The following MEI4 variants were observed in gnomAD, a reference collection of about 807,000 sequenced individuals.
MEI4 encodes the protein meiosis-specific protein MEI4.
Under a neutral mutation model 31.4 loss-of-function variants are expected in MEI4, and 27 were observed. That is an observed-to-expected ratio of 0.86 (90% CI 0.63 to 1.19). The LOEUF is 1.19. Ranked by LOEUF, MEI4 falls within the 50% of genes most tolerant of loss-of-function variation. MEI4 has a pLI of 0.00. For missense variants in MEI4, 329 were observed against 398.9 expected (o/e 0.82, Z 1.49); for synonymous variants, 122 against 145.4 (o/e 0.84, Z 1.16).
intron 4 of MEI4, among the ~76,000 whole-genome samples, chr6:77,880,221 G>T (rs545754133): frequency 2.4e-4 from 34 of 143,340 alleles, no homozygotes; most frequent in East Asian, 1.1e-3. Context: ...TTATTGTGGG[G>T]TTTTTTTTGT....
chr6:77,732,987 A>G (rs547947299), intron 2 of MEI4, among the ~76,000 whole-genome samples: 4 of 151,678 alleles, frequency 2.6e-5, no homozygotes, highest in East Asian at 2.0e-4. Context: ...CCACTTGATG[A>G]TGGTGGATAA....
intron 2 of MEI4, among the ~76,000 whole-genome samples, chr6:77,756,647 C>T (rs142838950): frequency 6.6e-6 from 1 of 151,338 alleles, no homozygotes; most frequent in Non-Finnish European, 1.5e-5. Flanking sequence ...CTCTTTCTCT[C>T]CCTCTTTGTA....
chr6:77,744,234 G>A (rs1384069618), intron 2 of MEI4, among the ~76,000 whole-genome samples: 1 of 152,020 alleles, frequency 6.6e-6, no homozygotes, highest in African/African-American at 2.4e-5. Context: ...AAATTTAGAC[G>A]AATGTATAAC....
At chr6:77,661,088 G>T (rs1768497255) in intron 1 of MEI4, among the ~76,000 whole-genome samples, 1 of 152,144 alleles carries the variant, frequency 6.6e-6, no homozygotes, top group Non-Finnish European at 1.5e-5. Flanking sequence ...AAGTTCAAAA[G>T]GACTGTACCC....
rs150813079 is a variant in MEI4, at chr6:77,923,000, G to A, written c.901-89G>A. On this transcript the variant is annotated intron_variant, in intron 4 of 4. Transcript: ENST00000684080. ...GTGTTAAATATTTCAAATATATTTC[G>A]TTTGCCTGAAACTCTGATATCTTTA... 378 of 728,662 alleles carry A rather than the reference G, an allele frequency of 5.2e-4. 2 individuals carry two copies. Among genetic ancestry groups the A allele is most frequent in the African/African-American group, 3.8e-3 (204 of 54,372 alleles). The allele number at this position is 728,662 out of a possible 1,614,324, so 45.1% of individuals were successfully genotyped here. A position where few individuals can be genotyped will look rare whatever the true frequency, so the allele number is the denominator to read the frequency against.
intron 3 of MEI4, among the ~76,000 whole-genome samples, chr6:77,794,330 G>A (rs537420548): frequency 1.3e-4 from 20 of 152,288 alleles, no homozygotes; most frequent in South Asian, 4.1e-4. Flanking sequence ...TTGGGAGGCC[G>A]AGGCGGGTGG....
intron 2 of MEI4, among the ~76,000 whole-genome samples, chr6:77,733,855 A>G (rs906859361): frequency 6.6e-6 from 1 of 152,044 alleles, no homozygotes; most frequent in African/African-American, 2.4e-5. Context: ...TTCAAAGAAC[A>G]TCTTTATTTC....
At chr6:77,883,717 GATATATATATAT>G (rs570185624) in intron 4 of MEI4, among the ~76,000 whole-genome samples, 1 of 43,338 alleles carries the variant, frequency 2.3e-5, no homozygotes, top group Non-Finnish European at 3.8e-5. Context: ...TATTATGTAA[GATATATATATAT>G]ATATATATAT....
chr6:77,883,567 C>T (rs946965515), intron 4 of MEI4, among the ~76,000 whole-genome samples: 3 of 151,540 alleles, frequency 2.0e-5, no homozygotes, highest in Admixed American at 1.3e-4. Context: ...CTCTGCCTGG[C>T]TTACTTCACA....
At chr6:77,921,370 G>A (rs1311998522) in intron 4 of MEI4, among the ~76,000 whole-genome samples, 1 of 151,748 alleles carries the variant, frequency 6.6e-6, no homozygotes, top group Non-Finnish European at 1.5e-5. Flanking sequence ...TGAAGAGTTA[G>A]GCCTTTTCTC....
At chr6:77,856,229 G>A (rs1490902230) in intron 4 of MEI4, among the ~76,000 whole-genome samples, 1 of 152,084 alleles carries the variant, frequency 6.6e-6, no homozygotes, top group Non-Finnish European at 1.5e-5. Context: ...CTCCCACAGT[G>A]TACACTTAAG....
intron 2 of MEI4, among the ~76,000 whole-genome samples, chr6:77,729,646 T>C (rs536179294): frequency 1.4e-4 from 22 of 152,294 alleles, no homozygotes; most frequent in African/African-American, 5.1e-4. Context: ...TACAGACTTC[T>C]TCAATTAATC....
rs151066344 is a variant in MEI4 at position 77,700,621 on chromosome 6, C to T, written c.232+9718C>T. Among the ~76,000 whole-genome samples the T allele has an allele frequency of 4.0e-3, 603 of 152,324 alleles. 6 individuals are homozygous for T. Among genetic ancestry groups the T allele is most frequent in the African/African-American group, 0.013 (560 of 41,572 alleles). The stretch of plus-strand genomic sequence containing the variant: ...ACTGTCCTGCACTGACTGTCTGGCA[C>T]TCCCTAGTGGGATGAACCTGGTACC... On this transcript the variant is annotated intron_variant, in intron 2 of 4. Coordinates refer to ENST00000684080, the MANE Select transcript of MEI4 (RefSeq NM_001322247.2).
chr6:77,677,720 T>C (rs993301641), intron 1 of MEI4, among the ~76,000 whole-genome samples: 1 of 152,198 alleles, frequency 6.6e-6, no homozygotes. Flanking sequence ...CGTGAGCCTA[T>C]ATATCTGTAA....
At position 77,924,343 on chromosome 6, in the gene MEI4, T is replaced by C. The variant is rs1401645120; in HGVS notation, c.*997T>C. The stretch of plus-strand genomic sequence containing the variant: ...TTGATAATTCCATCTACAATGTATA[T>C]ACAATTATGTCATCTGGCACAAACA... On this transcript the variant is annotated 3_prime_UTR_variant, in exon 5 of 5. Transcript: ENST00000684080. The C allele has an allele frequency of 1.3e-5, 2 of 151,880 alleles. No homozygotes were observed. The highest frequency in any genetic ancestry group is 2.9e-5 in the Non-Finnish European group (2 of 67,906). 9.4% of individuals were successfully genotyped at this position (151,880 alleles called of 1,614,324 possible).
At chr6:77,875,293 C>A (rs1771306660) in intron 4 of MEI4, among the ~76,000 whole-genome samples, 1 of 152,140 alleles carries the variant, frequency 6.6e-6, no homozygotes. Context: ...GTGTAAATTC[C>A]TACAAAGCAC....
intron 3 of MEI4, among the ~76,000 whole-genome samples, chr6:77,771,687 C>T (rs1307273356): frequency 6.6e-6 from 1 of 151,990 alleles, no homozygotes; most frequent in Non-Finnish European, 1.5e-5. Context: ...AACAAAGCAA[C>T]AGAAATGAAA....
intron 2 of MEI4, among the ~76,000 whole-genome samples, chr6:77,708,727 T>C (rs1262644522): frequency 2.0e-5 from 3 of 152,084 alleles, no homozygotes; most frequent in Non-Finnish European, 4.4e-5. Flanking sequence ...TGCTCTGAGT[T>C]CATGTGAGAT....
intron 2 of MEI4, among the ~76,000 whole-genome samples, chr6:77,715,343 G>T (rs923672860): frequency 6.6e-6 from 1 of 152,102 alleles, no homozygotes; most frequent in Non-Finnish European, 1.5e-5. Context: ...CCTGAGAATG[G>T]ACTTTATTTT....
Sources: allele counts gnomAD v4.1 joint callset (sites outside exome capture counted in the v4.1 genomes callset), GRCh38; gene constraint gnomAD v4.1.1; transcripts MANE v1.5; gene names NCBI Gene and HGNC (gene_info 2026-07-23, HGNC 2026-07-21).